Variants in MNAT1 observed in about 807,000 individuals in gnomAD.
MNAT1 encodes the protein CDK-activating kinase assembly factor MAT1.
A neutral mutation model predicts 42.0 loss-of-function variants in MNAT1; 43 were observed. That is an observed-to-expected ratio of 1.02 (90% confidence interval 0.80 to 1.32). The LOEUF (loss-of-function observed/expected upper bound fraction) is 1.32. MNAT1 is among the 40% of genes most tolerant of loss of function. The pLI is 0.00. For synonymous variants in MNAT1, 118 were observed against 120.0 expected (o/e 0.98, Z 0.11); for missense variants, 306 against 350.4 (o/e 0.87, Z 1.01).
intron 1 of MNAT1, among the ~76,000 whole-genome samples, chr14:60,769,373 G>A (rs1173448135): frequency 1.3e-5 from 2 of 152,184 alleles, no homozygotes; most frequent in South Asian, 2.1e-4. Context: ...CTGGGCTCAA[G>A]TGATCTTCCT....
intron 1 of MNAT1, among the ~76,000 whole-genome samples, chr14:60,738,595 A>G (rs1169364504): frequency 6.6e-6 from 1 of 151,108 alleles, no homozygotes; most frequent in Non-Finnish European, 1.5e-5. Context: ...CTGGAGTGCA[A>G]TGGCGTGATA....
chr14:60,952,890 A>G (rs938027764), intron 7 of MNAT1, among the ~76,000 whole-genome samples: 1 of 152,126 alleles, frequency 6.6e-6, no homozygotes, highest in African/African-American at 2.4e-5. Flanking sequence ...TAATTAGGAA[A>G]TAGAAAAAGA....
intron 7 of MNAT1, among the ~76,000 whole-genome samples, chr14:60,918,198 CTTTTTTTTTTTTT>C (rs386381525): frequency 2.3e-4 from 11 of 48,620 alleles, no homozygotes; most frequent in South Asian, 3.0e-3. Context: ...ATTAATTGTT[CTTTTTTTTTTTTT>C]TTTTTTTTTT....
intron 7 of MNAT1, among the ~76,000 whole-genome samples, chr14:60,918,758 T>TA (rs371722863): frequency 0.49 from 69,505 of 142,032 alleles, 20,109 homozygotes; most frequent in Non-Finnish European, 0.64. Flanking sequence ...ATATATATAT[T>TA]TTTGTCCTTA....
chr14:60,893,098 A>G (rs1401700735), intron 7 of MNAT1, among the ~76,000 whole-genome samples: 2 of 152,056 alleles, frequency 1.3e-5, no homozygotes, highest in Non-Finnish European at 2.9e-5. Flanking sequence ...TATCTTTTTT[A>G]CTTACACCTC....
At chr14:60,852,532 A>G (rs1330643439) in intron 6 of MNAT1, among the ~76,000 whole-genome samples, 1 of 152,194 alleles carries the variant, frequency 6.6e-6, no homozygotes, top group Non-Finnish European at 1.5e-5. Flanking sequence ...TTTGCCATGC[A>G]GAAGCTCTTT....
At chr14:60,957,159 T>A (rs2036501367) in intron 7 of MNAT1, among the ~76,000 whole-genome samples, 1 of 152,194 alleles carries the variant, frequency 6.6e-6, no homozygotes, top group Admixed American at 6.5e-5. Context: ...CTTTTGTGTA[T>A]CTACTGTAGG....
At chr14:60,875,694 C>G (rs2034422174) in intron 6 of MNAT1, among the ~76,000 whole-genome samples, 1 of 151,846 alleles carries the variant, frequency 6.6e-6, no homozygotes, top group African/African-American at 2.4e-5. Flanking sequence ...AAATGATGTC[C>G]CCACAAACTT....
intron 7 of MNAT1, among the ~76,000 whole-genome samples, chr14:60,904,975 C>CATTTTTTTTTTT (rs2035162533): frequency 9.3e-5 from 1 of 10,758 alleles, no homozygotes; most frequent in African/African-American, 1.7e-4. Flanking sequence ...TTCAGCAGTT[C>CATTTTTTTTTTT]CTTTTTTTTT....
At chr14:60,792,870 G>C (rs140775104) in intron 1 of MNAT1, among the ~76,000 whole-genome samples, 192 of 152,266 alleles carry the variant, frequency 1.3e-3, no homozygotes, top group African/African-American at 3.6e-3. Flanking sequence ...TTCTTCAGCA[G>C]ATTTTTCTGT....
chr14:60,792,952 T>A (rs1026420996), intron 1 of MNAT1, among the ~76,000 whole-genome samples: 1 of 152,152 alleles, frequency 6.6e-6, no homozygotes, highest in Non-Finnish European at 1.5e-5. Context: ...GCCCATATAC[T>A]GCTGTTTTGG....
intron 7 of MNAT1, among the ~76,000 whole-genome samples, chr14:60,896,444 A>G (rs527507541): frequency 6.6e-5 from 10 of 152,316 alleles, no homozygotes; most frequent in African/African-American, 2.4e-4. Context: ...CATTTGTGAC[A>G]CAACTAGATT....
At chr14:60,780,379 G>T in intron 1 of MNAT1, 1 of 1,572,866 alleles carries the variant, frequency 6.4e-7, no homozygotes, top group Non-Finnish European at 8.8e-7. Context: ...TCATCAGACA[G>T]ATCACAGCTA....
chr14:60,882,382 T>G (rs1026282487), intron 7 of MNAT1, among the ~76,000 whole-genome samples: 3 of 152,200 alleles, frequency 2.0e-5, no homozygotes, highest in Admixed American at 6.5e-5. Context: ...GACCACCAGT[T>G]CCATGTATGT....
rs1367039902 is a variant in MNAT1 at position 60,936,870 on chromosome 14, C to T, written c.810-31359C>T. Reference sequence around the variant, plus strand: ...GTGTAAAAGTGTTCCTATTTCTCCACATCCTCTCCAGCACCTGTTGTTTCC... The same window carrying T: ...GTGTAAAAGTGTTCCTATTTCTCCATATCCTCTCCAGCACCTGTTGTTTCC... On this transcript the variant is annotated intron_variant, in intron 7 of 7. Transcript: ENST00000261245. Among the ~76,000 whole-genome samples, 6 of 152,288 alleles carry T rather than the reference C, an allele frequency of 3.9e-5. No homozygotes were observed. The East Asian group carries it at 5.8e-4, about 15-fold the overall frequency.
intron 3 of MNAT1, among the ~76,000 whole-genome samples, chr14:60,798,648 G>A (rs2032099860): frequency 1.3e-5 from 2 of 152,088 alleles, no homozygotes; most frequent in Non-Finnish European, 2.9e-5. Flanking sequence ...TGGAATCAGA[G>A]GTTGGAGTAA....
rs977071132 is a variant in MNAT1, at chr14:60,798,115, A to C, written c.271A>C (p.Ser91Arg). The change falls in exon 3 of 8, where the codon AGT (serine) becomes CGT (arginine). Residue 91 changes from serine to arginine, a missense_variant. Around this residue, in one of 3 missense-constraint regions of MNAT1, gnomAD observed 72 missense variants for 111.0 expected, o/e 0.65. Coordinates refer to ENST00000261245, the MANE Select transcript of MNAT1 (RefSeq NM_002431.4). ...IYNKREEDFP[S>R]LREYNDFLEE... ...CAATAAAAGGGAAGAAGATTTTCCTAGTCTAAGAGAATACAATGATTTCTT... is the reference window on the plus strand; with the variant it reads ...CAATAAAAGGGAAGAAGATTTTCCTCGTCTAAGAGAATACAATGATTTCTT... 8 of 1,515,432 alleles carry C rather than the reference A, an allele frequency of 5.3e-6. No individual in the cohort carries two copies. The highest frequency in any genetic ancestry group is 7.3e-6 in the Non-Finnish European group (8 of 1,094,166). The allele number at this position is 1,515,432 out of a possible 1,614,324, so 93.9% of individuals were successfully genotyped here. A position where few individuals can be genotyped will look rare whatever the true frequency, so the allele number is the denominator to read the frequency against.
rs1441076615 is a variant in MNAT1 at position 60,968,892 on chromosome 14, C to A, written c.*543C>A. The A allele has an allele frequency of 4.5e-6, 1 of 219,900 alleles. No homozygotes were observed. The highest frequency in any genetic ancestry group is 8.9e-6 in the Non-Finnish European group (1 of 112,190). The allele number at this position is 219,900 out of a possible 1,614,324, so 13.6% of individuals were successfully genotyped here. On this transcript the variant is annotated 3_prime_UTR_variant, in exon 8 of 8. Transcript: ENST00000261245. Reference sequence around the variant, plus strand: ...AGAAAAACCTGACCCATGATAATGTCATTCCCTCAATACTAAGGACTCAAT... The same window carrying A: ...AGAAAAACCTGACCCATGATAATGTAATTCCCTCAATACTAAGGACTCAAT...
intron 1 of MNAT1, chr14:60,753,510 TTTCTTCAGTG>T (rs2030194258): frequency 6.6e-6 from 1 of 152,178 alleles, no homozygotes; most frequent in African/African-American, 2.4e-5. Context: ...CTCCTAAGGA[TTTCTTCAGTG>T]TTCGCACAAC....
Sources: allele counts gnomAD v4.1 joint callset (sites outside exome capture counted in the v4.1 genomes callset), GRCh38; gene constraint gnomAD v4.1.1; regional missense constraint gnomAD v4.1.1; transcripts MANE v1.5; gene names NCBI Gene and HGNC (gene_info 2026-07-23, HGNC 2026-07-21).